The following POLA1 variants were observed in gnomAD, a reference collection of about 807,000 sequenced individuals.
The protein encoded by POLA1 is DNA polymerase alpha 1, catalytic subunit, also known as DNA polymerase alpha catalytic subunit.
In POLA1, 15 loss-of-function variants were observed where a neutral mutation model predicts 124.0. The ratio of observed to expected loss-of-function variants is 0.12; its 90% confidence interval spans 0.08 to 0.19. POLA1 has a LOEUF of 0.19. Ranked by LOEUF, POLA1 falls within the 10% of genes least tolerant of loss-of-function variation. The pLI, the probability that POLA1 is intolerant of heterozygous loss-of-function variation, is 1.00. For missense variants in POLA1, 886 were observed against 1,103.4 expected (o/e 0.80, Z 2.79); for synonymous variants, 408 against 389.4 (o/e 1.05, Z -0.56).
At chrX:24,729,775 A>ATT in intron 15 of POLA1, among the ~76,000 whole-genome samples, 1 of 102,346 alleles carries the variant, frequency 9.8e-6, no homozygotes, top group South Asian at 4.2e-4. Flanking sequence ...GTATTTTCTG[A>ATT]TTTTTTTTTT....
chrX:24,849,648 T>TTC (rs1233346042), intron 34 of POLA1, among the ~76,000 whole-genome samples: 12 of 88,457 alleles, frequency 1.4e-4, no homozygotes, highest in African/African-American at 5.1e-4. Context: ...TTTTTTTTTT[T>TTC]CGAGACGGAG....
chrX:24,786,962 AG>A (rs1380116996), intron 26 of POLA1, among the ~76,000 whole-genome samples: 1 of 108,437 alleles, frequency 9.2e-6, no homozygotes, highest in African/African-American at 3.4e-5. Context: ...CTTTTTTAAA[AG>A]CAGGGTCTTG....
rs140415112 is a variant in POLA1, at chrX:24,804,668, T to C, written c.2965-5230T>C. On this transcript the variant is annotated intron_variant, in intron 26 of 36. Coordinates refer to ENST00000379068, the MANE Select transcript of POLA1 (RefSeq NM_001330360.2). ...TTAATAAGTAATACTATAGTAGACA[T>C]GTTTTCGGAATAGGACCTTGAAACT... Among the ~76,000 whole-genome samples the C allele has an allele frequency of 4.9e-3, 552 of 112,268 alleles. 4 individuals are homozygous for C. Among genetic ancestry groups the C allele is most frequent in the Non-Finnish European group, 7.6e-3 (403 of 53,199 alleles).
intron 35 of POLA1, among the ~76,000 whole-genome samples, chrX:24,908,746 A>G (rs2047403018): frequency 9.0e-6 from 1 of 111,484 alleles, no homozygotes; most frequent in Non-Finnish European, 1.9e-5. Context: ...TTAGGTATAT[A>G]CCCAGTAATG....
intron 15 of POLA1, among the ~76,000 whole-genome samples, chrX:24,731,321 C>T (rs949174234): frequency 1.8e-5 from 2 of 111,818 alleles, no homozygotes; most frequent in Non-Finnish European, 3.8e-5. Context: ...AGGGGAATGA[C>T]AGATGGGATA....
chrX:24,859,730 T>C (rs1044236883), intron 34 of POLA1, among the ~76,000 whole-genome samples: 2 of 112,551 alleles, frequency 1.8e-5, no homozygotes, highest in Non-Finnish European at 3.7e-5. Context: ...GGGACATGGC[T>C]GACACAGGAT....
chrX:24,727,986 G>C, intron 15 of POLA1, 50 bp downstream of exon 15: 1 of 1,021,024 alleles, frequency 9.8e-7, no homozygotes. Context: ...TGTGTTACTT[G>C]CCTGAACTTG....
At chrX:24,884,365 T>G (rs914316328) in intron 34 of POLA1, among the ~76,000 whole-genome samples, 4 of 111,206 alleles carry the variant, frequency 3.6e-5, no homozygotes, top group Non-Finnish European at 7.5e-5. Context: ...CCGACGCTGG[T>G]CTTGAACTCC....
chrX:24,813,555 C>G (rs1446772324), intron 29 of POLA1, among the ~76,000 whole-genome samples: 1 of 112,267 alleles, frequency 8.9e-6, no homozygotes, highest in Non-Finnish European at 1.9e-5. Context: ...GGCTCACGCC[C>G]ATAATCCCAG....
At chrX:24,744,627 G>A (rs1931884932) in intron 23 of POLA1, 5 of 323,252 alleles carry the variant, frequency 1.5e-5, no homozygotes, top group South Asian at 2.9e-5. Context: ...TAAATGTGCC[G>A]TCCATTTTAT....
intron 35 of POLA1, among the ~76,000 whole-genome samples, chrX:24,926,693 C>T (rs954216072): frequency 5.4e-5 from 6 of 111,474 alleles, no homozygotes; most frequent in Non-Finnish European, 7.5e-5. Flanking sequence ...AAAGTATCCC[C>T]GATACAGGTA....
At chrX:24,842,094 C>A (rs1481226501) in intron 33 of POLA1, 5 of 246,722 alleles carry the variant, frequency 2.0e-5, no homozygotes, top group African/African-American at 8.6e-5. Flanking sequence ...CTTAAAAATT[C>A]TAAATTATCT....
intron 26 of POLA1, among the ~76,000 whole-genome samples, chrX:24,753,783 C>T (rs1369897092): frequency 8.9e-6 from 1 of 112,546 alleles, no homozygotes; most frequent in Non-Finnish European, 1.9e-5. Context: ...TATTTCTCTA[C>T]TCTCTTATTT....
At chrX:24,785,472 A>G (rs1000543996) in intron 26 of POLA1, among the ~76,000 whole-genome samples, 2 of 111,946 alleles carry the variant, frequency 1.8e-5, no homozygotes, top group African/African-American at 6.5e-5. Flanking sequence ...AATTCTAGAT[A>G]GGTGAAGAAA....
At chrX:24,853,107 A>C (rs1426232121) in intron 34 of POLA1, among the ~76,000 whole-genome samples, 1 of 112,611 alleles carries the variant, frequency 8.9e-6, no homozygotes, top group Admixed American at 9.4e-5. Flanking sequence ...ATTGATCAGC[A>C]AAGAAAGATC....
intron 34 of POLA1, among the ~76,000 whole-genome samples, chrX:24,846,468 C>CCA (rs1391547809): frequency 9.0e-6 from 1 of 111,543 alleles, no homozygotes; most frequent in Non-Finnish European, 1.9e-5. Context: ...GATTTCATGC[C>CCA]CTGGTCCTTG....
At chrX:24,892,305 A>G (rs996974812) in intron 35 of POLA1, among the ~76,000 whole-genome samples, 1 of 111,300 alleles carries the variant, frequency 9.0e-6, no homozygotes, top group East Asian at 2.8e-4. Flanking sequence ...TAAGTTACTA[A>G]GTAAATAGAA....
At chrX:24,846,389 G>A (rs1490719236) in intron 34 of POLA1, among the ~76,000 whole-genome samples, 2 of 111,662 alleles carry the variant, frequency 1.8e-5, no homozygotes, top group Non-Finnish European at 3.8e-5. Flanking sequence ...ATAACTCTGT[G>A]CTTTGTCTTG....
At chrX:24,797,958 G>A (rs1013512684) in intron 26 of POLA1, among the ~76,000 whole-genome samples, 1 of 109,912 alleles carries the variant, frequency 9.1e-6, no homozygotes, top group Non-Finnish European at 1.9e-5. Flanking sequence ...TGATGTGGGA[G>A]GATTGCTTTA....
Sources: gnomAD v4.1 joint callset for allele counts (sites outside exome capture counted in the v4.1 genomes callset) on GRCh38, gnomAD v4.1.1 for gene constraint, MANE v1.5 for transcripts, NCBI Gene and HGNC (gene_info 2026-07-23, HGNC 2026-07-21) for gene names.